The following ESRRG variants were observed in gnomAD, a reference collection of about 807,000 sequenced individuals.
ESRRG encodes the protein estrogen related receptor gamma, also known as estrogen-related receptor gamma.
ESRRG carries 13 observed loss-of-function variants against 44.0 expected under a neutral mutation model. The observed-to-expected ratio is 0.30, with a 90% CI of 0.19 to 0.47. The LOEUF (loss-of-function observed/expected upper bound fraction) is 0.47. Among genes scored for constraint, ESRRG ranks in the 20% least tolerant of loss-of-function variants. ESRRG has a pLI of 1.00. For synonymous variants in ESRRG, 215 were observed against 214.6 expected (o/e 1.00, Z -0.02); for missense variants, 395 against 580.6 (o/e 0.68, Z 3.29).
At chr1:216,971,401 G>A (rs770493822) in intron 1 of ESRRG, among the ~76,000 whole-genome samples, 11 of 152,112 alleles carry the variant, frequency 7.2e-5, no homozygotes, top group South Asian at 2.1e-4. Flanking sequence ...AGAAGTACAC[G>A]TATTGGAAAT....
At chr1:216,728,064 T>C (rs1207385274), upstream of ESRRG, among the ~76,000 whole-genome samples, 3 of 152,216 alleles carry the variant, frequency 2.0e-5, no homozygotes, top group African/African-American at 7.2e-5. Context: ...ATGGGAAAAC[T>C]GACCTTAGTT....
At chr1:216,912,307 GGAAGGACA>G (rs1166007665) in intron 2 of ESRRG, among the ~76,000 whole-genome samples, 2 of 135,424 alleles carry the variant, frequency 1.5e-5, no homozygotes, top group African/African-American at 2.7e-5. Context: ...AGGGAAGGAG[GGAAGGACA>G]GAAGGAAGGA....
chr1:216,627,209 A>G (rs898849429), intron 3 of ESRRG, among the ~76,000 whole-genome samples: 1 of 152,202 alleles, frequency 6.6e-6, no homozygotes, highest in African/African-American at 2.4e-5. Context: ...TGTAGCTACA[A>G]ATTTTAAGAT....
intron 1 of ESRRG, among the ~76,000 whole-genome samples, chr1:217,085,399 T>A (rs1253905459): frequency 6.6e-6 from 1 of 151,508 alleles, no homozygotes; most frequent in Non-Finnish European, 1.5e-5. Flanking sequence ...AATACAAACG[T>A]CGTATTATAG....
At chr1:217,080,553 G>T (rs1318161294) in intron 1 of ESRRG, among the ~76,000 whole-genome samples, 1 of 151,698 alleles carries the variant, frequency 6.6e-6, no homozygotes, top group African/African-American at 2.4e-5. Context: ...TGGTAAAAGT[G>T]ATTAAATATT....
chr1:217,135,013 C>T (rs1021768310), intron 1 of ESRRG, among the ~76,000 whole-genome samples: 5 of 152,238 alleles, frequency 3.3e-5, no homozygotes, highest in African/African-American at 1.2e-4. Context: ...CCTTCCTCTC[C>T]TTTCCCCGCT....
At chr1:216,620,892 G>A (rs539359100) in intron 3 of ESRRG, among the ~76,000 whole-genome samples, 1 of 152,220 alleles carries the variant, frequency 6.6e-6, no homozygotes, top group South Asian at 2.1e-4. Context: ...GAATGATATA[G>A]AAAAAGGAAT....
intron 1 of ESRRG, among the ~76,000 whole-genome samples, chr1:216,704,717 C>A (rs2082110098): frequency 6.6e-6 from 1 of 151,870 alleles, no homozygotes; most frequent in Non-Finnish European, 1.5e-5. Context: ...ATAATATTAT[C>A]CACACGTATA....
chr1:216,527,544 T>C (rs1029182882), intron 5 of ESRRG, among the ~76,000 whole-genome samples: 1 of 152,108 alleles, frequency 6.6e-6, no homozygotes, highest in Non-Finnish European at 1.5e-5. Context: ...AATCTTCCTC[T>C]AGTAATTCCT....
intron 6 of ESRRG, among the ~76,000 whole-genome samples, chr1:216,511,675 G>A (rs1404664010): frequency 6.6e-6 from 1 of 152,132 alleles, no homozygotes; most frequent in Admixed American, 6.6e-5. Context: ...CACCTTGAGT[G>A]CCCAGGTTGT....
intron 5 of ESRRG, among the ~76,000 whole-genome samples, chr1:216,557,039 G>C (rs1183444557): frequency 6.6e-6 from 1 of 152,138 alleles, no homozygotes; most frequent in Non-Finnish European, 1.5e-5. Flanking sequence ...TAATTGCCCA[G>C]TGATCTGAAG....
chr1:216,731,383 A>C (rs1020189555), intron 2 of ESRRG, among the ~76,000 whole-genome samples: 1 of 152,228 alleles, frequency 6.6e-6, no homozygotes, highest in African/African-American at 2.4e-5. Context: ...GAAGGGAATT[A>C]ATCAGCAGAA....
In ESRRG at chr1:216,545,061, T is replaced by C. The variant is rs939524354; in HGVS notation, c.862+19158A>G. 2.0e-5 allele frequency among the ~76,000 whole-genome samples: 3 copies of C among 152,060 alleles called. No individual in the cohort carries two copies. The East Asian group carries it at 5.8e-4, about 30-fold the overall frequency. The stretch of plus-strand genomic sequence containing the variant: ...TTTTTTAAAATGTACCCATTTATTT[T>C]ATTCATTTGGAGACGGGCTCGCTCT... On this transcript the variant is annotated intron_variant, in intron 5 of 6. Coordinates refer to ENST00000408911, the MANE Select transcript of ESRRG (RefSeq NM_001438.4).
chr1:216,675,870 C>A (rs552188067), intron 2 of ESRRG, among the ~76,000 whole-genome samples: 41 of 152,268 alleles, frequency 2.7e-4, no homozygotes, highest in African/African-American at 9.9e-4. Context: ...ACCTAGGAAG[C>A]TTTCAAAAAC....
intron 2 of ESRRG, among the ~76,000 whole-genome samples, chr1:216,906,339 C>G (rs1440072362): frequency 6.6e-6 from 1 of 151,910 alleles, no homozygotes; most frequent in Non-Finnish European, 1.5e-5. Flanking sequence ...GCAGAATATG[C>G]TCCTGAAAAA....
chr1:216,508,890 G>A (rs1344375874), intron 6 of ESRRG, among the ~76,000 whole-genome samples: 1 of 152,150 alleles, frequency 6.6e-6, no homozygotes, highest in Non-Finnish European at 1.5e-5. Context: ...AGATGAGTTG[G>A]ATTTTCCCAA....
intron 3 of ESRRG, among the ~76,000 whole-genome samples, chr1:216,585,945 C>G (rs1454054478): frequency 1.3e-5 from 2 of 152,030 alleles, no homozygotes; most frequent in African/African-American, 2.4e-5. Flanking sequence ...GAGGCTGAGA[C>G]AGGAGAATGG....
intron 1 of ESRRG, among the ~76,000 whole-genome samples, chr1:217,129,695 G>T (rs1398042117): frequency 6.6e-6 from 1 of 152,110 alleles, no homozygotes; most frequent in Non-Finnish European, 1.5e-5. Flanking sequence ...ATAAGAGAAA[G>T]AAGCCAGATA....
intron 1 of ESRRG, among the ~76,000 whole-genome samples, chr1:216,957,176 T>G (rs2068105037): frequency 6.6e-6 from 1 of 152,186 alleles, no homozygotes; most frequent in Non-Finnish European, 1.5e-5. Flanking sequence ...CTCTGTTGAT[T>G]GTTGCTCACC....
Sources: gnomAD v4.1 joint callset for allele counts (sites outside exome capture counted in the v4.1 genomes callset) on GRCh38, gnomAD v4.1.1 for gene constraint, MANE v1.5 for transcripts, NCBI Gene and HGNC (gene_info 2026-07-23, HGNC 2026-07-21) for gene names.